Variants in SLC13A3 observed in about 807,000 individuals in gnomAD.
The protein encoded by SLC13A3 is Na(+)/dicarboxylate cotransporter 3.
Under a neutral mutation model 59.0 loss-of-function variants are expected in SLC13A3, and 40 were observed. The ratio of observed to expected loss-of-function variants is 0.68; its 90% CI spans 0.53 to 0.88. The LOEUF (loss-of-function observed/expected upper bound fraction) is 0.88. SLC13A3 is among the 40% of genes least tolerant of loss of function. The pLI is 0.00. For synonymous variants in SLC13A3, 317 were observed against 330.3 expected (o/e 0.96, Z 0.44); for missense variants, 699 against 783.2 (o/e 0.89, Z 1.28).
chr20:46,613,596 C>T lies in SLC13A3; in HGVS notation c.241G>A (p.Val81Ile). 6.2e-7 allele frequency: 1 copy of T among 1,613,334 alleles called. No homozygotes were observed. Among genetic ancestry groups the T allele is most frequent in the Admixed American group, 1.7e-5 (1 of 59,878 alleles). Reference sequence around the variant, plus strand: ...GTGTCGAGGAAGTACTGGGGGCAGACCTTGTTGGAGGGCAAGATGCCCATG... The same window carrying T: ...GTGTCGAGGAAGTACTGGGGGCAGATCTTGTTGGAGGGCAAGATGCCCATG... ...PFMGILPSNKVCPQYFLDTNF... is the reference protein window; with the variant it reads ...PFMGILPSNKICPQYFLDTNF... The change falls in exon 2 of 13, where the codon GTC (valine) becomes ATC (isoleucine). Residue 81 changes from valine (V) to isoleucine (I), a missense_variant. Transcript: ENST00000279027.
chr20:46,572,853 C>A (rs1052655205), intron 10 of SLC13A3, among the ~76,000 whole-genome samples: 1 of 152,140 alleles, frequency 6.6e-6, no homozygotes, highest in African/African-American at 2.4e-5. Context: ...ATCTGTGATT[C>A]CAATCCAGAT....
At position 46,596,601 on chromosome 20, in the gene SLC13A3, G is replaced by A. The variant is rs1403441134; in HGVS notation, c.609-259C>T. 2.6e-5 allele frequency among the ~76,000 whole-genome samples: 4 copies of A among 152,122 alleles called. No homozygotes were observed. In the East Asian group the frequency reaches 7.7e-4, roughly 29 times the overall value. ...AATTTAAATGAAGGACAGTCTAAAT[G>A]CCCATCAAAAAGGGGCTGATAATAA... On this transcript the variant is annotated intron_variant, in intron 4 of 12. Transcript: ENST00000279027.
At chr20:46,683,698 T>C (rs2063164643) in intron 1 of SLC13A3, among the ~76,000 whole-genome samples, 1 of 152,174 alleles carries the variant, frequency 6.6e-6, no homozygotes, top group Non-Finnish European at 1.5e-5. Flanking sequence ...TTCACCTCAC[T>C]CTTTGTGGGT....
intron 1 of SLC13A3, among the ~76,000 whole-genome samples, chr20:46,647,655 G>A (rs1240881509): frequency 9.9e-5 from 15 of 152,182 alleles, no homozygotes; most frequent in Admixed American, 7.2e-4. Flanking sequence ...TGAGCCAGAG[G>A]ACATAATGTA....
chr20:46,617,160 G>C (rs73313008), intron 1 of SLC13A3, among the ~76,000 whole-genome samples: 1 of 152,202 alleles, frequency 6.6e-6, no homozygotes, highest in African/African-American at 2.4e-5. Flanking sequence ...TCTGTTGAAT[G>C]ATGAAAACAT....
chr20:46,613,600 G>C lies in SLC13A3; in HGVS notation c.237C>G (p.Asn79Lys). ...LFPFMGILPS[N>K]KVCPQYFLDT... ...CGAGGAAGTACTGGGGGCAGACCTT[G>C]TTGGAGGGCAAGATGCCCATGAAGG... Residue 79 changes from asparagine (N) to lysine (K), a missense_variant, in exon 2 of 13, where the codon AAC (asparagine) becomes AAG (lysine). Transcript: ENST00000279027. 6.2e-7 allele frequency: 1 copy of C among 1,613,464 alleles called. No individual in the cohort carries two copies. Among genetic ancestry groups the C allele is most frequent in the Non-Finnish European group, 8.5e-7 (1 of 1,179,672 alleles).
chr20:46,626,143 CTCTG>C (rs1568943709), intron 1 of SLC13A3, among the ~76,000 whole-genome samples: 1 of 151,578 alleles, frequency 6.6e-6, no homozygotes. Flanking sequence ...CTCTCTGTCT[CTCTG>C]TCTCTCTCTC....
At chr20:46,655,495 G>A (rs2062979339), upstream of SLC13A3, among the ~76,000 whole-genome samples, 1 of 147,480 alleles carries the variant, frequency 6.8e-6, no homozygotes, top group Non-Finnish European at 1.5e-5. Flanking sequence ...GTGTGTGTGT[G>A]TGGTATATAT....
At chr20:46,641,948 G>A (rs1231750539) in intron 1 of SLC13A3, among the ~76,000 whole-genome samples, 1 of 152,116 alleles carries the variant, frequency 6.6e-6, no homozygotes, top group African/African-American at 2.4e-5. Flanking sequence ...GACAACTAGG[G>A]GAAGCCCCTA....
Position 46,627,102 on chromosome 20 carries a change from C to T in SLC13A3, c.112-13377G>A, listed in dbSNP as rs563180510. Among the ~76,000 whole-genome samples, 3 of 152,334 alleles carry T rather than the reference C, an allele frequency of 2.0e-5. No individual in the cohort carries two copies. The East Asian group carries it at 5.8e-4, about 29-fold the overall frequency. Reference sequence around the variant, plus strand: ...TATCTCTCTCTCGCCTCCCTGCAGACCAGGAGCACCATGCAAACAGGGCCT... The same window carrying T: ...TATCTCTCTCTCGCCTCCCTGCAGATCAGGAGCACCATGCAAACAGGGCCT... On this transcript the variant is annotated intron_variant, in intron 1 of 12. Transcript: ENST00000279027.
intron 3 of SLC13A3, chr20:46,608,854 C>T: frequency 6.5e-7 from 1 of 1,538,232 alleles, no homozygotes; most frequent in Non-Finnish European, 8.8e-7. Flanking sequence ...TGCCATCTAT[C>T]TCTCAAGATG....
At chr20:46,672,282 G>A (rs1002555906), upstream of SLC13A3, among the ~76,000 whole-genome samples, 1 of 152,258 alleles carries the variant, frequency 6.6e-6, no homozygotes, top group African/African-American at 2.4e-5. Context: ...AGAAGGCTGG[G>A]CTATCAGCAT....
intron 1 of SLC13A3, among the ~76,000 whole-genome samples, chr20:46,635,314 A>G (rs1030603871): frequency 4.6e-5 from 7 of 152,128 alleles, no homozygotes; most frequent in Admixed American, 1.3e-4. Flanking sequence ...CAGGGAAAGG[A>G]CCCAGCCTGG....
At chr20:46,644,225 C>T (rs550922693) in intron 1 of SLC13A3, among the ~76,000 whole-genome samples, 2 of 152,084 alleles carry the variant, frequency 1.3e-5, no homozygotes, top group African/African-American at 2.4e-5. Flanking sequence ...CACCAGTTTA[C>T]GATGGCAACT....
At chr20:46,635,422 T>C (rs1308877518) in intron 1 of SLC13A3, among the ~76,000 whole-genome samples, 1 of 152,234 alleles carries the variant, frequency 6.6e-6, no homozygotes, top group African/African-American at 2.4e-5. Context: ...TCCCTATGCC[T>C]GGAATGCTCT....
rs1487473424 is a variant in SLC13A3 at position 46,558,664 on chromosome 20, A to G, written c.*1358T>C. 6.6e-6 allele frequency: 1 copy of G among 152,204 alleles called. No individual in the cohort carries two copies. The highest frequency in any genetic ancestry group is 1.5e-5 in the Non-Finnish European group (1 of 68,052). The allele number at this position is 152,204 out of a possible 1,614,324, so 9.4% of individuals were successfully genotyped here. ...GGGCCTCTCCCACTGCTCTCAGGGA[A>G]ATGCCCATGATTCACTTATGCTGTA... On this transcript the variant is annotated 3_prime_UTR_variant, in exon 13 of 13. Coordinates refer to ENST00000279027, the MANE Select transcript of SLC13A3 (RefSeq NM_022829.6).
chr20:46,651,410 C>G lies in SLC13A3; in HGVS notation c.12G>C (p.Leu4=). 6.7e-7 allele frequency: 1 copy of G among 1,488,868 alleles called. No individual in the cohort carries two copies. The highest frequency in any genetic ancestry group is 8.9e-7 in the Non-Finnish European group (1 of 1,125,006). 92.2% of individuals were successfully genotyped at this position (1,488,868 alleles called of 1,614,324 possible). A position where few individuals can be genotyped will look rare whatever the true frequency, so the allele number is the denominator to read the frequency against. Residue 4 remains leucine, a synonymous_variant, in exon 1 of 13, where the codon CTG becomes CTC. Transcript: ENST00000279027. MAA[L]AAAAKKVWSA... ...TCCACACCTTCTTGGCCGCTGCTGC[C>G]AGCGCCGCCATCAGCGCGATCGCCT...
chr20:46,658,085 A>G (rs1187080287), intron 1 of SLC13A3, among the ~76,000 whole-genome samples: 1 of 152,128 alleles, frequency 6.6e-6, no homozygotes, highest in East Asian at 1.9e-4. Flanking sequence ...CTAGAGGAGT[A>G]GGAGTGCCTT....
chr20:46,582,247 G>A (rs532141252), intron 9 of SLC13A3, among the ~76,000 whole-genome samples: 1 of 152,144 alleles, frequency 6.6e-6, no homozygotes, highest in African/African-American at 2.4e-5. Flanking sequence ...AGCCTTCCAA[G>A]TAGCTGGGAC....
Sources: allele counts gnomAD v4.1 joint callset (sites outside exome capture counted in the v4.1 genomes callset), GRCh38; gene constraint gnomAD v4.1.1; transcripts MANE v1.5; gene names NCBI Gene and HGNC (gene_info 2026-07-23, HGNC 2026-07-21).